Variants in CNTNAP2 observed in about 807,000 individuals in gnomAD.
The protein encoded by CNTNAP2 is contactin-associated protein-like 2.
A neutral mutation model predicts 155.2 loss-of-function variants in CNTNAP2; 98 were observed. The observed-to-expected ratio is 0.63, with a 90% CI of 0.54 to 0.75. CNTNAP2 has a LOEUF of 0.75. Among genes scored for constraint, CNTNAP2 ranks in the 30% least tolerant of loss-of-function variants. CNTNAP2 has a pLI of 0.00. For missense variants in CNTNAP2, 1,727 were observed against 1,688.1 expected, an observed-to-expected ratio of 1.02 and a Z score of -0.40; for synonymous variants, 651 against 631.2, an observed-to-expected ratio of 1.03 and a Z score of -0.47.
At chr7:147,254,354 T>C (rs1804271737) in intron 8 of CNTNAP2, among the ~76,000 whole-genome samples, 1 of 152,188 alleles carries the variant, frequency 6.6e-6, no homozygotes, top group African/African-American at 2.4e-5. Context: ...TTACAGGAGT[T>C]AGCACCTCCA....
At chr7:148,030,051 C>A (rs934512741) in intron 15 of CNTNAP2, among the ~76,000 whole-genome samples, 1 of 152,124 alleles carries the variant, frequency 6.6e-6, no homozygotes, top group African/African-American at 2.4e-5. Context: ...AACTAATTTC[C>A]AACCCATTTG....
chr7:147,110,712 T>C (rs914313429), intron 5 of CNTNAP2, among the ~76,000 whole-genome samples: 1 of 152,234 alleles, frequency 6.6e-6, no homozygotes, highest in Admixed American at 6.5e-5. Flanking sequence ...ATCTCATTCC[T>C]TTTTATGGCT....
intron 9 of CNTNAP2, among the ~76,000 whole-genome samples, chr7:147,303,541 G>A (rs1794979358): frequency 6.6e-6 from 1 of 152,150 alleles, no homozygotes; most frequent in Non-Finnish European, 1.5e-5. Context: ...GGATTCAAAT[G>A]TTAAAATAAA....
At chr7:146,350,419 C>A (rs1794895556) in intron 1 of CNTNAP2, among the ~76,000 whole-genome samples, 1 of 152,060 alleles carries the variant, frequency 6.6e-6, no homozygotes, top group Admixed American at 6.5e-5. Context: ...CCAAAAAACA[C>A]ATGAAAAAAT....
At chr7:148,198,702 A>C (rs564393706) in intron 18 of CNTNAP2, among the ~76,000 whole-genome samples, 1 of 152,350 alleles carries the variant, frequency 6.6e-6, no homozygotes, top group Non-Finnish European at 1.5e-5. Context: ...TTGTCTTAGC[A>C]GTTGGTTAAA....
At chr7:147,597,116 T>C (rs1379938131) in intron 12 of CNTNAP2, among the ~76,000 whole-genome samples, 6 of 152,222 alleles carry the variant, frequency 3.9e-5, no homozygotes, top group African/African-American at 1.4e-4. Flanking sequence ...CTGCTCTCCC[T>C]ATGGAGTAGC....
At chr7:146,872,486 A>T (rs1795333363) in intron 3 of CNTNAP2, among the ~76,000 whole-genome samples, 1 of 152,176 alleles carries the variant, frequency 6.6e-6, no homozygotes, top group Non-Finnish European at 1.5e-5. Context: ...TGTAAGTGTC[A>T]GCTGAAAGAC....
chr7:147,479,902 A>G (rs951600926), intron 10 of CNTNAP2, among the ~76,000 whole-genome samples: 5 of 152,148 alleles, frequency 3.3e-5, no homozygotes, highest in Non-Finnish European at 7.4e-5. Context: ...TAAATTAGTT[A>G]CTGGAATTGT....
intron 1 of CNTNAP2, among the ~76,000 whole-genome samples, chr7:146,537,400 A>C (rs73741739): frequency 0.012 from 1,807 of 152,244 alleles, 33 homozygotes; most frequent in African/African-American, 0.041. Flanking sequence ...TATTCTGGCA[A>C]CATCCTTATT....
intron 9 of CNTNAP2, among the ~76,000 whole-genome samples, chr7:147,344,050 G>T (rs1795806489): frequency 6.6e-6 from 1 of 152,068 alleles, no homozygotes; most frequent in South Asian, 2.1e-4. Flanking sequence ...ATGATTTGCT[G>T]AGGCTAAGGG....
chr7:147,369,500 G>A (rs1020993847), intron 9 of CNTNAP2, among the ~76,000 whole-genome samples: 8 of 152,098 alleles, frequency 5.3e-5, no homozygotes, highest in African/African-American at 1.7e-4. Context: ...TCTCAAAATC[G>A]TTTCTGACTT....
intron 15 of CNTNAP2, among the ~76,000 whole-genome samples, chr7:148,072,285 C>A (rs940670638): frequency 6.6e-6 from 1 of 152,152 alleles, no homozygotes; most frequent in Non-Finnish European, 1.5e-5. Context: ...GTCTGTAGAG[C>A]AGGATTTGTT....
chr7:147,854,172 C>T (rs536131786), intron 13 of CNTNAP2, among the ~76,000 whole-genome samples: 1 of 152,260 alleles, frequency 6.6e-6, no homozygotes, highest in Admixed American at 6.5e-5. Flanking sequence ...AATGTGCTTC[C>T]TCTTTCTGAG....
At position 147,903,754 on chromosome 7, in the gene CNTNAP2, C is replaced by T. The variant is rs202037002; in HGVS notation, c.2255+33C>T. ...CCTGCGGGCAGCACAGCCAGGCTCACCCTCCCAGTGTGCCTTTGTGTCAAA... is the reference window on the plus strand; with the variant it reads ...CCTGCGGGCAGCACAGCCAGGCTCATCCTCCCAGTGTGCCTTTGTGTCAAA... On this transcript the variant is annotated intron_variant, in intron 14 of 23. Coordinates refer to ENST00000361727, the MANE Select transcript of CNTNAP2 (RefSeq NM_014141.6). 2.5e-6 allele frequency: 4 copies of T among 1,609,948 alleles called. No homozygotes were observed. The East Asian group carries it at 6.7e-5, about 27-fold the overall frequency.
chr7:147,291,476 C>T (rs544826526), intron 8 of CNTNAP2, among the ~76,000 whole-genome samples: 5 of 152,198 alleles, frequency 3.3e-5, no homozygotes, highest in African/African-American at 1.2e-4. Context: ...GATGCTGTTG[C>T]TTGTATCACT....
chr7:147,411,558 T>C (rs1797103196), intron 10 of CNTNAP2, among the ~76,000 whole-genome samples: 1 of 152,208 alleles, frequency 6.6e-6, no homozygotes, highest in Non-Finnish European at 1.5e-5. Flanking sequence ...GACTCAAACA[T>C]TCTGCTCCAG....
intron 2 of CNTNAP2, among the ~76,000 whole-genome samples, chr7:146,792,820 A>G (rs1422147937): frequency 6.6e-6 from 1 of 152,188 alleles, no homozygotes; most frequent in African/African-American, 2.4e-5. Flanking sequence ...TACTTGTCTT[A>G]CTCGATGAAA....
At chr7:147,989,211 A>G (rs1801670737) in intron 15 of CNTNAP2, among the ~76,000 whole-genome samples, 1 of 152,238 alleles carries the variant, frequency 6.6e-6, no homozygotes, top group Non-Finnish European at 1.5e-5. Flanking sequence ...GCTAGCCAAC[A>G]GGCCACGCTT....
intron 14 of CNTNAP2, among the ~76,000 whole-genome samples, chr7:147,909,646 C>G (rs78049054): frequency 2.6e-5 from 4 of 152,180 alleles, no homozygotes; most frequent in Admixed American, 1.3e-4. Flanking sequence ...TCTAATTACA[C>G]GAGTCTTGGT....
Sources: gnomAD v4.1 joint callset for allele counts (sites outside exome capture counted in the v4.1 genomes callset) on GRCh38, gnomAD v4.1.1 for gene constraint, MANE v1.5 for transcripts, NCBI Gene and HGNC (gene_info 2026-07-23, HGNC 2026-07-21) for gene names.